The following PITPNM3 variants were observed in gnomAD, a reference collection of about 807,000 sequenced individuals.
The protein encoded by PITPNM3 is membrane-associated phosphatidylinositol transfer protein 3.
A neutral mutation model predicts 102.0 loss-of-function variants in PITPNM3; 26 were observed. That is an observed-to-expected ratio of 0.25 (90% CI 0.19 to 0.35). PITPNM3 has a LOEUF of 0.35. Among genes scored for constraint, PITPNM3 ranks in the 10% least tolerant of loss-of-function variants. The probability of loss-of-function intolerance (pLI) is 1.00; values close to 1 mark genes in which losing one functional copy is unlikely to be tolerated. For synonymous variants in PITPNM3, 578 were observed against 558.6 expected (o/e 1.03, Z -0.49); for missense variants, 1,083 against 1,346.1 (o/e 0.80, Z 3.06).
At position 6,468,902 on chromosome 17, in the gene PITPNM3, T is replaced by C. The variant is rs767408637; in HGVS notation, c.1774-561A>G. On this transcript the variant is annotated intron_variant, in intron 13 of 19. Coordinates refer to ENST00000262483, the MANE Select transcript of PITPNM3 (RefSeq NM_031220.4). This position sits in a 1 kb window ranked among gnomAD's most constrained non-coding sequence, Gnocchi z 5.2. ...CTGACAGAGGACTTAGCCCATATGCTGTCACCCCTTCCTCACCTGCCCCCT... is the reference window on the plus strand; with the variant it reads ...CTGACAGAGGACTTAGCCCATATGCCGTCACCCCTTCCTCACCTGCCCCCT... Among the ~76,000 whole-genome samples, 8 of 152,124 alleles carry C rather than the reference T, an allele frequency of 5.3e-5. No homozygotes were observed. Among genetic ancestry groups the C allele is most frequent in the Non-Finnish European group, 8.8e-5 (6 of 68,008 alleles).
chr17:6,526,063 G>A (rs571543810), intron 2 of PITPNM3, among the ~76,000 whole-genome samples: 17 of 152,262 alleles, frequency 1.1e-4, no homozygotes, highest in South Asian at 8.3e-4. Flanking sequence ...GAAACCTTCC[G>A]GTTCTAAGGA....
intron 14 of PITPNM3, among the ~76,000 whole-genome samples, chr17:6,465,733 T>C (rs1221366658): frequency 6.6e-6 from 1 of 152,182 alleles, no homozygotes; most frequent in Admixed American, 6.5e-5. Flanking sequence ...CCTATTTTTC[T>C]TCATTTATCA....
At chr17:6,489,464 CAT>C (rs1376937609) in intron 4 of PITPNM3, among the ~76,000 whole-genome samples, 1 of 148,174 alleles carries the variant, frequency 6.7e-6, no homozygotes, top group African/African-American at 2.5e-5. Context: ...TGGGTGGAAA[CAT>C]AAGGTTTTTT....
intron 18 of PITPNM3, 37 bp downstream of exon 18, chr17:6,461,336 C>G: frequency 1.2e-6 from 2 of 1,605,394 alleles, no homozygotes; most frequent in Non-Finnish European, 8.5e-7. Context: ...GCTGCGCTCT[C>G]AAGCCATGGA....
intron 1 of PITPNM3, among the ~76,000 whole-genome samples, chr17:6,543,568 T>A (rs1909847532): frequency 6.6e-6 from 1 of 152,230 alleles, no homozygotes; most frequent in African/African-American, 2.4e-5. Flanking sequence ...CGATGCTTAC[T>A]GGGCCAGACC....
chr17:6,459,119 C>T lies in PITPNM3; in HGVS notation c.2491-1397G>A, dbSNP rs1163967449. Among the ~76,000 whole-genome samples the T allele has an allele frequency of 6.6e-6, 1 of 152,188 alleles. No individual in the cohort carries two copies. Among genetic ancestry groups the T allele is most frequent in the Non-Finnish European group, 1.5e-5 (1 of 68,044 alleles). On this transcript the variant is annotated intron_variant, in intron 18 of 19. Coordinates refer to ENST00000262483, the MANE Select transcript of PITPNM3 (RefSeq NM_031220.4). This position sits in a 1 kb window ranked among gnomAD's most constrained non-coding sequence, Gnocchi z 5.0. ...CTGAGCTCACTCCTATAACTTGGAT[C>T]CTCCAGCTCTGGCGACCCTGCCTAC...
Position 6,452,947 on chromosome 17 carries a change from T to G in PITPNM3, c.*2391A>C, listed in dbSNP as rs1383379843. The G allele has an allele frequency of 6.7e-6, 1 of 150,090 alleles. No homozygotes were observed. Among genetic ancestry groups the G allele is most frequent in the African/African-American group, 2.4e-5 (1 of 41,102 alleles). 9.3% of individuals were successfully genotyped at this position (150,090 alleles called of 1,614,324 possible). On this transcript the variant is annotated 3_prime_UTR_variant, in exon 20 of 20. Transcript: ENST00000262483. ...CCCAGGGATCCTGGCTCATGAGCTC[T>G]CTCTCTCTCTTCCTCTCTCTCTCTC...
intron 1 of PITPNM3, among the ~76,000 whole-genome samples, chr17:6,547,018 A>AT (rs776988770): frequency 5.5e-4 from 84 of 152,132 alleles, no homozygotes; most frequent in Non-Finnish European, 1.0e-3. Flanking sequence ...AAAAAAAAAA[A>AT]GAAAAAAGTC....
In PITPNM3 at chr17:6,468,951, G is replaced by A. The variant is rs1188019176; in HGVS notation, c.1774-610C>T. On this transcript the variant is annotated intron_variant, in intron 13 of 19. Coordinates refer to ENST00000262483, the MANE Select transcript of PITPNM3 (RefSeq NM_031220.4). The surrounding 1 kb of genome is among the most constrained non-coding windows in gnomAD (Gnocchi z 5.2). The stretch of plus-strand genomic sequence containing the variant: ...CTCTCCTCCACCCACTCCAGTCAGG[G>A]TTCTTCTCCATCACTCCTCTACGGA... Among the ~76,000 whole-genome samples, 1 of 151,934 alleles carries A rather than the reference G, an allele frequency of 6.6e-6. No individual in the cohort carries two copies. The highest frequency in any genetic ancestry group is 2.4e-5 in the African/African-American group (1 of 41,428).
chr17:6,523,096 G>A (rs534074861), intron 3 of PITPNM3, among the ~76,000 whole-genome samples: 3 of 152,060 alleles, frequency 2.0e-5, no homozygotes, highest in South Asian at 2.1e-4. Context: ...TCTTCTTCCC[G>A]CTCCCCATTC....
intron 2 of PITPNM3, among the ~76,000 whole-genome samples, chr17:6,532,973 T>C (rs1442636131): frequency 6.6e-6 from 1 of 152,186 alleles, no homozygotes; most frequent in Non-Finnish European, 1.5e-5. Flanking sequence ...TTATTATTAT[T>C]ATTATTGAGA....
At chr17:6,530,547 G>A (rs1909089215) in intron 2 of PITPNM3, among the ~76,000 whole-genome samples, 1 of 152,188 alleles carries the variant, frequency 6.6e-6, no homozygotes, top group South Asian at 2.1e-4. Flanking sequence ...CAAAAGACAT[G>A]GGGGTAAATG....
At chr17:6,482,018 CTCTCTCTCTCTCTCTCTGTCTG>C (rs1905742664) in intron 6 of PITPNM3, among the ~76,000 whole-genome samples, 2 of 108,796 alleles carry the variant, frequency 1.8e-5, no homozygotes, top group African/African-American at 4.1e-5. Context: ...CTCTCTCTCT[CTCTCTCTCTCTCTCTCTGTCTG>C]TCTCTCTCTC....
intron 3 of PITPNM3, among the ~76,000 whole-genome samples, chr17:6,504,392 A>AC: frequency 6.6e-6 from 1 of 152,036 alleles, no homozygotes; most frequent in African/African-American, 2.4e-5. Context: ...ATCAGAATGA[A>AC]CTTCTCCAGG....
In PITPNM3 at chr17:6,457,328, G is replaced by A. The variant is rs1006806933; in HGVS notation, c.2619+266C>T. 2.0e-5 allele frequency among the ~76,000 whole-genome samples: 3 copies of A among 152,180 alleles called. No homozygotes were observed. Among genetic ancestry groups the A allele is most frequent in the Non-Finnish European group, 4.4e-5 (3 of 68,038 alleles). ...GCTCCCGTCATACATCATGGCACTTGTTACACTCCACTGTCACCAACTGCA... is the reference window on the plus strand; with the variant it reads ...GCTCCCGTCATACATCATGGCACTTATTACACTCCACTGTCACCAACTGCA... On this transcript the variant is annotated intron_variant, in intron 19 of 19. Coordinates refer to ENST00000262483, the MANE Select transcript of PITPNM3 (RefSeq NM_031220.4). The surrounding 1 kb of genome is among the most constrained non-coding windows in gnomAD (Gnocchi z 4.7).
At chr17:6,494,601 A>G (rs1365102492) in intron 4 of PITPNM3, among the ~76,000 whole-genome samples, 1 of 152,222 alleles carries the variant, frequency 6.6e-6, no homozygotes, top group Non-Finnish European at 1.5e-5. Flanking sequence ...AGGAAGGCTC[A>G]TTGAAATTAC....
At chr17:6,466,890 C>CA (rs1355311005) in intron 14 of PITPNM3, among the ~76,000 whole-genome samples, 3 of 151,634 alleles carry the variant, frequency 2.0e-5, no homozygotes, top group Non-Finnish European at 4.4e-5. Context: ...ACTAAAAATA[C>CA]AAAAAATAAA....
intron 1 of PITPNM3, among the ~76,000 whole-genome samples, chr17:6,544,741 T>G (rs559315160): frequency 1.2e-4 from 18 of 151,116 alleles, no homozygotes; most frequent in East Asian, 5.9e-4. Context: ...AGGGTCTAAC[T>G]CCTGGCGGCT....
intron 4 of PITPNM3, among the ~76,000 whole-genome samples, chr17:6,485,272 C>T (rs577992895): frequency 6.6e-6 from 1 of 151,766 alleles, no homozygotes; most frequent in Admixed American, 6.6e-5. Context: ...GATTCTCCTG[C>T]CTCAGCCTCC....
Sources: gnomAD v4.1 joint callset for allele counts (sites outside exome capture counted in the v4.1 genomes callset) on GRCh38, gnomAD v4.1.1 for gene constraint, Gnocchi (gnomAD v3.1) non-coding constraint, MANE v1.5 for transcripts, NCBI Gene and HGNC (gene_info 2026-07-23, HGNC 2026-07-21) for gene names.